LRP1B: variants seen among roughly 807,000 people sequenced by gnomAD.
LRP1B encodes low-density lipoprotein receptor-related protein 1B.
Under a neutral mutation model 556.6 loss-of-function variants are expected in LRP1B, and 217 were observed. The ratio of observed to expected loss-of-function variants is 0.39; its 90% CI spans 0.35 to 0.44. The LOEUF (loss-of-function observed/expected upper bound fraction) is 0.44. Ranked by LOEUF, LRP1B falls within the 20% of genes least tolerant of loss-of-function variation. The probability of loss-of-function intolerance (pLI) is 1.00; values close to 1 mark genes in which losing one functional copy is unlikely to be tolerated. For synonymous variants in LRP1B, 2,047 were observed against 1,865.8 expected, an observed-to-expected ratio of 1.10 and a Z score of -2.50; for missense variants, 5,053 against 5,620.8, an observed-to-expected ratio of 0.90 and a Z score of 3.23.
intron 32 of LRP1B, among the ~76,000 whole-genome samples, chr2:140,807,646 T>C (rs533397048): frequency 6.6e-6 from 1 of 151,834 alleles, no homozygotes. Flanking sequence ...TCACTGCTCC[T>C]GGTCAAACAG....
At chr2:141,065,181 C>G (rs1699445906) in intron 7 of LRP1B, among the ~76,000 whole-genome samples, 1 of 151,880 alleles carries the variant, frequency 6.6e-6, no homozygotes, top group African/African-American at 2.4e-5. Flanking sequence ...CAGTTGTTTA[C>G]ATTTCGTTCC....
intron 3 of LRP1B, among the ~76,000 whole-genome samples, chr2:141,271,606 A>G (rs1299926658): frequency 6.6e-6 from 1 of 151,884 alleles, no homozygotes; most frequent in East Asian, 1.9e-4. Flanking sequence ...AAAGAGAAAA[A>G]AATGCCAACC....
At chr2:140,925,619 T>C (rs1694862673) in intron 20 of LRP1B, among the ~76,000 whole-genome samples, 1 of 152,180 alleles carries the variant, frequency 6.6e-6, no homozygotes, top group South Asian at 2.1e-4. Context: ...AGGTGTAATC[T>C]ATTGATTTTT....
At chr2:141,097,917 C>T (rs1700361497) in intron 7 of LRP1B, among the ~76,000 whole-genome samples, 1 of 152,102 alleles carries the variant, frequency 6.6e-6, no homozygotes, top group Admixed American at 6.5e-5. Flanking sequence ...AAATAATTGT[C>T]AATGAATGGT....
At chr2:141,470,796 T>C (rs985129676) in intron 3 of LRP1B, among the ~76,000 whole-genome samples, 2 of 152,218 alleles carry the variant, frequency 1.3e-5, no homozygotes, top group South Asian at 2.1e-4. Flanking sequence ...TTTGTTATAA[T>C]TCATACTTTT....
intron 66 of LRP1B, among the ~76,000 whole-genome samples, chr2:140,421,127 G>A (rs979011211): frequency 1.3e-4 from 19 of 151,930 alleles, no homozygotes; most frequent in Admixed American, 6.6e-4. Context: ...ATGGTGGTGC[G>A]TGTCTGTAGT....
chr2:141,371,548 T>C (rs1297245795), intron 3 of LRP1B, among the ~76,000 whole-genome samples: 1 of 152,194 alleles, frequency 6.6e-6, no homozygotes, highest in African/African-American at 2.4e-5. Flanking sequence ...CTACTCTTTC[T>C]TTCTTCAGGG....
intron 6 of LRP1B, among the ~76,000 whole-genome samples, chr2:141,194,437 C>T (rs748057857): frequency 1.3e-5 from 2 of 152,024 alleles, no homozygotes; most frequent in African/African-American, 2.4e-5. Flanking sequence ...AAAGTATACA[C>T]CTACCTAAAA....
chr2:141,308,338 T>C (rs1420015481), intron 3 of LRP1B, among the ~76,000 whole-genome samples: 2 of 152,200 alleles, frequency 1.3e-5, no homozygotes, highest in Non-Finnish European at 2.9e-5. Context: ...CATCCCTGGA[T>C]TTATTATAAT....
intron 3 of LRP1B, among the ~76,000 whole-genome samples, chr2:141,322,552 G>C (rs1165346487): frequency 6.6e-6 from 1 of 151,954 alleles, no homozygotes; most frequent in African/African-American, 2.4e-5. Flanking sequence ...GGTGATTCTT[G>C]AATCAATATG....
intron 7 of LRP1B, among the ~76,000 whole-genome samples, chr2:141,157,486 T>C (rs1481631368): frequency 6.6e-6 from 1 of 152,142 alleles, no homozygotes; most frequent in Non-Finnish European, 1.5e-5. Flanking sequence ...ACATGCATAG[T>C]ATCTGCAGAG....
intron 35 of LRP1B, among the ~76,000 whole-genome samples, chr2:140,743,900 G>A (rs567441215): frequency 2.8e-5 from 4 of 144,766 alleles, no homozygotes; most frequent in South Asian, 2.3e-4. Context: ...CCAGGAGGGG[G>A]ATGTTGCAGT....
intron 5 of LRP1B, among the ~76,000 whole-genome samples, chr2:141,238,529 A>G (rs537189062): frequency 6.6e-6 from 1 of 152,248 alleles, no homozygotes; most frequent in Admixed American, 6.6e-5. Flanking sequence ...GCCAGGGTCT[A>G]GATGCTAGCA....
intron 3 of LRP1B, among the ~76,000 whole-genome samples, chr2:141,314,913 C>CAT (rs916961424): frequency 2.9e-5 from 4 of 138,960 alleles, no homozygotes; most frequent in Admixed American, 7.4e-5. Flanking sequence ...TATATATACA[C>CAT]ATATATATAT....
chr2:140,530,763 C>T (rs983280561), intron 47 of LRP1B, among the ~76,000 whole-genome samples: 1 of 151,952 alleles, frequency 6.6e-6, no homozygotes, highest in Non-Finnish European at 1.5e-5. Flanking sequence ...ATAAGTTTTG[C>T]TTGTTTATTT....
chr2:141,328,128 C>T (rs1455884222), intron 3 of LRP1B, among the ~76,000 whole-genome samples: 1 of 152,192 alleles, frequency 6.6e-6, no homozygotes, highest in African/African-American at 2.4e-5. Context: ...CTAGGTCCAT[C>T]TATCTATCTG....
intron 37 of LRP1B, among the ~76,000 whole-genome samples, chr2:140,711,451 A>C (rs747644847): frequency 6.6e-6 from 1 of 151,922 alleles, no homozygotes; most frequent in Non-Finnish European, 1.5e-5. Flanking sequence ...CCACTATTCC[A>C]TCACTAGCTT....
At chr2:140,319,336 C>T (rs189442381) in intron 82 of LRP1B, among the ~76,000 whole-genome samples, 41 of 152,182 alleles carry the variant, frequency 2.7e-4, no homozygotes, top group Non-Finnish European at 4.7e-4. Context: ...TGTGCATTAT[C>T]CTAATCTCTC....
At chr2:141,012,338 G>A (rs542037943) in intron 14 of LRP1B, among the ~76,000 whole-genome samples, 55 of 152,164 alleles carry the variant, frequency 3.6e-4, no homozygotes, top group African/African-American at 1.3e-3. Context: ...AAGTTAGAGA[G>A]AACTACAATC....
Sources: allele counts gnomAD v4.1 joint callset (sites outside exome capture counted in the v4.1 genomes callset), GRCh38; gene constraint gnomAD v4.1.1; transcripts MANE v1.5; gene names NCBI Gene and HGNC (gene_info 2026-07-23, HGNC 2026-07-21).